Variants in CADPS2 observed in about 807,000 individuals in gnomAD.
CADPS2 encodes calcium-dependent secretion activator 2.
Under a neutral mutation model 172.5 loss-of-function variants are expected in CADPS2, and 93 were observed. The ratio of observed to expected loss-of-function variants is 0.54; its 90% CI spans 0.46 to 0.64. The LOEUF (loss-of-function observed/expected upper bound fraction) is 0.64. CADPS2 is among the 30% of genes least tolerant of loss of function. CADPS2 has a pLI of 0.00. For missense variants in CADPS2, 1,420 were observed against 1,565.9 expected (o/e 0.91, Z 1.57); for synonymous variants, 546 against 555.2 (o/e 0.98, Z 0.23).
intron 1 of CADPS2, among the ~76,000 whole-genome samples, chr7:122,759,974 T>C (rs918400021): frequency 2.0e-5 from 3 of 150,594 alleles, no homozygotes; most frequent in African/African-American, 4.9e-5. Flanking sequence ...TGGGTGTATA[T>C]AGGTGTATTT....
chr7:122,516,189 C>T (rs931142633), intron 8 of CADPS2, among the ~76,000 whole-genome samples: 2 of 152,070 alleles, frequency 1.3e-5, no homozygotes, highest in African/African-American at 4.8e-5. Flanking sequence ...CCCTATCTAG[C>T]TGCTATTTCA....
chr7:122,421,546 C>T (rs1430892145), intron 17 of CADPS2, among the ~76,000 whole-genome samples: 4 of 152,172 alleles, frequency 2.6e-5, no homozygotes, highest in African/African-American at 9.7e-5. Context: ...GATTCCGTGG[C>T]CCTGAATTTG....
intron 6 of CADPS2, among the ~76,000 whole-genome samples, chr7:122,596,792 G>A (rs1195129547): frequency 6.6e-6 from 1 of 152,020 alleles, no homozygotes; most frequent in African/African-American, 2.4e-5. Context: ...CTGAAGAGCT[G>A]GGTTAGTCTA....
chr7:122,409,751 C>G (rs1328696640), intron 19 of CADPS2: 1 of 404,634 alleles, frequency 2.5e-6, no homozygotes, highest in Non-Finnish European at 5.3e-6. Flanking sequence ...GCCATCCCAC[C>G]CTGGGTTGGT....
chr7:122,813,290 A>G (rs1014511383), intron 1 of CADPS2, among the ~76,000 whole-genome samples: 1 of 152,102 alleles, frequency 6.6e-6, no homozygotes, highest in African/African-American at 2.4e-5. Flanking sequence ...ACTTAAAGCA[A>G]AATCATGAAA....
chr7:122,882,307 G>A (rs1823123495), intron 1 of CADPS2, among the ~76,000 whole-genome samples: 1 of 152,122 alleles, frequency 6.6e-6, no homozygotes, highest in Non-Finnish European at 1.5e-5. Context: ...GGTTACAGTG[G>A]AGACACACAC....
chr7:122,853,246 T>C (rs1174240273), intron 1 of CADPS2, among the ~76,000 whole-genome samples: 1 of 152,088 alleles, frequency 6.6e-6, no homozygotes, highest in Non-Finnish European at 1.5e-5. Flanking sequence ...AAGGTCAGGG[T>C]ATTTCTCCCC....
intron 6 of CADPS2, among the ~76,000 whole-genome samples, chr7:122,592,415 T>C (rs961571422): frequency 2.6e-5 from 4 of 152,168 alleles, no homozygotes; most frequent in African/African-American, 9.7e-5. Flanking sequence ...TCAACCATTG[T>C]GGAAGACAGT....
chr7:122,580,076 A>G (rs2068600072), intron 7 of CADPS2, among the ~76,000 whole-genome samples: 1 of 152,182 alleles, frequency 6.6e-6, no homozygotes, highest in African/African-American at 2.4e-5. Context: ...AATACCAGAC[A>G]GAAATTTTCA....
chr7:122,826,539 T>C (rs941805824), intron 1 of CADPS2, among the ~76,000 whole-genome samples: 2 of 150,752 alleles, frequency 1.3e-5, no homozygotes, highest in Admixed American at 6.6e-5. Context: ...AAATAAACAA[T>C]CATAAATATG....
At chr7:122,882,795 G>A (rs1188156563) in intron 1 of CADPS2, among the ~76,000 whole-genome samples, 1 of 152,002 alleles carries the variant, frequency 6.6e-6, no homozygotes, top group Non-Finnish European at 1.5e-5. Context: ...TTAGCACTGG[G>A]GTGGTGCAAA....
At chr7:122,633,939 G>A (rs2076814054) in intron 3 of CADPS2, among the ~76,000 whole-genome samples, 1 of 152,124 alleles carries the variant, frequency 6.6e-6, no homozygotes, top group African/African-American at 2.4e-5. Context: ...TGCATCTATT[G>A]AGATTACATG....
intron 1 of CADPS2, among the ~76,000 whole-genome samples, chr7:122,775,596 C>A (rs1397081799): frequency 6.6e-6 from 1 of 152,184 alleles, no homozygotes; most frequent in Non-Finnish European, 1.5e-5. Flanking sequence ...TGCCATATTT[C>A]TTTTGTACTT....
chr7:122,583,127 G>A (rs7810271), intron 6 of CADPS2, among the ~76,000 whole-genome samples: 25,782 of 151,158 alleles, frequency 0.17, 2,565 homozygotes, highest in African/African-American at 0.28. Flanking sequence ...AACTTCCAGA[G>A]AACTATCTTT....
chr7:122,350,430 T>C (rs941733931), intron 27 of CADPS2, among the ~76,000 whole-genome samples: 1 of 152,210 alleles, frequency 6.6e-6, no homozygotes, highest in Admixed American at 6.5e-5. Context: ...TGTATTTTTA[T>C]ATTTGAATAA....
intron 2 of CADPS2, among the ~76,000 whole-genome samples, chr7:122,700,577 ATCTT>A (rs71161324): frequency 0.036 from 5,445 of 152,244 alleles, 182 homozygotes; most frequent in Non-Finnish European, 0.049. Context: ...CAATACCTAA[ATCTT>A]TCTGTCTCTC....
chr7:122,547,936 G>A (rs191204910), intron 8 of CADPS2, among the ~76,000 whole-genome samples: 89 of 152,272 alleles, frequency 5.8e-4, no homozygotes, highest in African/African-American at 1.8e-3. Flanking sequence ...CTCTCTCACT[G>A]ATTCTTTCCA....
chr7:122,349,780 A>G (rs553554375), intron 27 of CADPS2, among the ~76,000 whole-genome samples: 1 of 152,194 alleles, frequency 6.6e-6, no homozygotes, highest in Non-Finnish European at 1.5e-5. Context: ...TGTTAATTAT[A>G]TGCTGCAAAC....
chr7:122,673,439 G>T (rs2082072467), intron 2 of CADPS2, among the ~76,000 whole-genome samples: 1 of 152,166 alleles, frequency 6.6e-6, no homozygotes, highest in African/African-American at 2.4e-5. Context: ...GGACATAAAA[G>T]TTCTCCAAGT....
Sources: allele counts gnomAD v4.1 joint callset (sites outside exome capture counted in the v4.1 genomes callset), GRCh38; gene constraint gnomAD v4.1.1; transcripts MANE v1.5; gene names NCBI Gene and HGNC (gene_info 2026-07-23, HGNC 2026-07-21).